The following TSNARE1 variants were observed in gnomAD, a reference collection of about 807,000 sequenced individuals.
The protein encoded by TSNARE1 is t-SNARE domain-containing protein 1.
Under a neutral mutation model 62.0 loss-of-function variants are expected in TSNARE1, and 49 were observed. The ratio of observed to expected loss-of-function variants is 0.79; its 90% CI spans 0.63 to 1.00. The LOEUF (loss-of-function observed/expected upper bound fraction) is 1.00. Among genes scored for constraint, TSNARE1 ranks in the 50% least tolerant of loss-of-function variants. TSNARE1 has a pLI of 0.00. For missense variants in TSNARE1, 755 were observed against 700.1 expected (o/e 1.08, Z -0.88); for synonymous variants, 328 against 294.4 (o/e 1.11, Z -1.17).
chr8:142,218,370 C>T (rs1472081811), intron 13 of TSNARE1, among the ~76,000 whole-genome samples: 8 of 152,104 alleles, frequency 5.3e-5, no homozygotes, highest in South Asian at 2.1e-4. Flanking sequence ...TGAGGCACCA[C>T]GAGGGCCAGA....
intron 12 of TSNARE1, among the ~76,000 whole-genome samples, chr8:142,252,904 T>C (rs1017130186): frequency 6.6e-6 from 1 of 151,850 alleles, no homozygotes; most frequent in Non-Finnish European, 1.5e-5. Flanking sequence ...GTGGGGCAGG[T>C]ATGAGGCTTG....
chr8:142,378,489 C>T (rs561110724), intron 1 of TSNARE1, among the ~76,000 whole-genome samples: 3 of 152,320 alleles, frequency 2.0e-5, no homozygotes, highest in South Asian at 2.1e-4. Flanking sequence ...TAATTATACA[C>T]GCTTGAAGTT....
rs1289289883 is a variant in TSNARE1, at chr8:142,319,185, A to G, written c.894-551T>C. ...GCAACCACCCCCAAATACCCCACAG[A>G]CAGGAGGCTGAGCCACGAGCCCTCC... On this transcript the variant is annotated intron_variant, in intron 6 of 13. Coordinates refer to ENST00000524325, the MANE Select transcript of TSNARE1 (RefSeq NM_145003.5). The surrounding 1 kb of genome is among the most constrained non-coding windows in gnomAD (Gnocchi z 4.9). 1.3e-5 allele frequency among the ~76,000 whole-genome samples: 2 copies of G among 151,808 alleles called. No individual in the cohort carries two copies. The highest frequency in any genetic ancestry group is 2.4e-5 in the African/African-American group (1 of 41,298).
rs562909761 is a variant in TSNARE1, at chr8:142,389,075, T to C, written c.-40+14029A>G. Among the ~76,000 whole-genome samples the C allele has an allele frequency of 4.1e-4, 62 of 152,198 alleles. 2 individuals carry two copies. In the South Asian group the frequency reaches 0.012, roughly 30 times the overall value. On this transcript the variant is annotated intron_variant, in intron 1 of 13. Coordinates refer to ENST00000524325, the MANE Select transcript of TSNARE1 (RefSeq NM_145003.5). Reference sequence around the variant, plus strand: ...AGACAAACAGCCTAACGAAACAGGATAGAGAGCCCAGAAATAAATCCACTC... The same window carrying C: ...AGACAAACAGCCTAACGAAACAGGACAGAGAGCCCAGAAATAAATCCACTC...
At chr8:142,374,679 C>CAAAAAAA (rs1219756682) in intron 1 of TSNARE1, among the ~76,000 whole-genome samples, 1 of 59,380 alleles carries the variant, frequency 1.7e-5, no homozygotes, top group Admixed American at 2.0e-4. Context: ...GACGCTGTCT[C>CAAAAAAA]AAAAAAAAAA....
At chr8:142,397,975 A>G (rs1205609815) in intron 1 of TSNARE1, among the ~76,000 whole-genome samples, 3 of 152,060 alleles carry the variant, frequency 2.0e-5, no homozygotes, top group Non-Finnish European at 4.4e-5. Context: ...TTCCCTGCTC[A>G]GCACCAACAG....
intron 7 of TSNARE1, among the ~76,000 whole-genome samples, chr8:142,317,779 G>A (rs1474296315): frequency 6.6e-6 from 1 of 152,080 alleles, no homozygotes; most frequent in Non-Finnish European, 1.5e-5. Flanking sequence ...GCAACATGGT[G>A]AAACCCCACC....
At chr8:142,314,479 C>A (rs1586744654) in intron 8 of TSNARE1, 39 bp from the exon 9 acceptor site, 1 of 1,587,966 alleles carries the variant, frequency 6.3e-7, no homozygotes, top group Admixed American at 1.7e-5. Context: ...ACAGGAAGAG[C>A]AAAAAGGGTG....
chr8:142,263,140 C>G (rs989487207), intron 12 of TSNARE1, among the ~76,000 whole-genome samples: 3 of 152,160 alleles, frequency 2.0e-5, no homozygotes, highest in Non-Finnish European at 4.4e-5. Flanking sequence ...CGTGAATGTT[C>G]GCTGTTGAGG....
At chr8:142,317,388 C>T (rs1298144273) in intron 7 of TSNARE1, among the ~76,000 whole-genome samples, 1 of 144,130 alleles carries the variant, frequency 6.9e-6, no homozygotes, top group Non-Finnish European at 1.5e-5. Context: ...GCGGCTCACA[C>T]TGTACGCGTG....
chr8:142,283,312 AGTGTCTGCCAATGAGCAGAGGCGGGGC>A lies in TSNARE1; in HGVS notation c.1363+1074_1363+1100del, dbSNP rs1267312896. 2.5e-3 allele frequency among the ~76,000 whole-genome samples: 379 copies of A among 151,770 alleles called. 3 individuals are homozygous for A. Among genetic ancestry groups the A allele is most frequent in the Admixed American group, 4.7e-3 (71 of 15,260 alleles). On this transcript the variant is annotated intron_variant, in intron 11 of 13. Transcript: ENST00000524325. The stretch of plus-strand genomic sequence containing the variant: ...TCTGCCAATGAGCAGAGGCGGGGCC[AGTGTCTGCCAATGAGCAGAGGCGGGGC>A]CAGTGTCTGTCAATGAGCGGAGGTG...
chr8:142,278,268 C>CCATGCCCACATGCCCATGCCCA (rs1820829210), intron 11 of TSNARE1: 1 of 985,332 alleles, frequency 1.0e-6, no homozygotes, highest in Non-Finnish European at 1.2e-6. Context: ...CCCATGGGTC[C>CCATGCCCACATGCCCATGCCCA]CAGCCTCATG....
chr8:142,337,522 G>A (rs1293356643), intron 4 of TSNARE1, among the ~76,000 whole-genome samples: 1 of 152,218 alleles, frequency 6.6e-6, no homozygotes, highest in African/African-American at 2.4e-5. Context: ...CGGCGCAACC[G>A]TGCTTTCTAG....
At chr8:142,234,761 G>T (rs952182112) in intron 12 of TSNARE1, among the ~76,000 whole-genome samples, 5 of 152,070 alleles carry the variant, frequency 3.3e-5, no homozygotes, top group Non-Finnish European at 5.9e-5. Flanking sequence ...AGGGTCCACA[G>T]TGCACCCCAG....
At chr8:142,344,514 T>C (rs201311865) in intron 3 of TSNARE1, 42 bp from the exon 4 acceptor site, 16 of 1,447,506 alleles carry the variant, frequency 1.1e-5, no homozygotes, top group Non-Finnish European at 1.4e-5. Flanking sequence ...GCCCTGGGCC[T>C]GTGGAGGCAG....
At position 142,345,896 on chromosome 8, in the gene TSNARE1, C is replaced by T. The variant is rs201837355; in HGVS notation, c.89-4G>A. ...TCGGTCCAACATCTAGCGCACTCTA[C>T]GGACAGCAAGGGACAGTCACGATTA... On this transcript the variant is annotated splice_region_variant and splice_polypyrimidine_tract_variant and intron_variant, in intron 2 of 13. Transcript: ENST00000524325. 4.8e-5 allele frequency: 78 copies of T among 1,612,446 alleles called. No homozygotes were observed. The highest frequency in any genetic ancestry group is 1.7e-4 in the Middle Eastern group (1 of 6,052).
intron 9 of TSNARE1, among the ~76,000 whole-genome samples, chr8:142,304,568 A>C (rs1046781809): frequency 1.1e-4 from 17 of 152,200 alleles, no homozygotes; most frequent in Non-Finnish European, 2.4e-4. Context: ...CTAAGGTGTG[A>C]GGGCTCAGGA....
Position 142,314,438 on chromosome 8 carries a change from T to C in TSNARE1, c.1077A>G (p.Lys359=), listed in dbSNP as rs1397713409. 2.5e-6 allele frequency: 4 copies of C among 1,613,824 alleles called. No individual in the cohort carries two copies. Among genetic ancestry groups the C allele is most frequent in the Non-Finnish European group, 3.4e-6 (4 of 1,179,896 alleles). The change falls in exon 9 of 14, where the codon AAA becomes AAG. Residue 359 remains lysine (K), a splice_region_variant and synonymous_variant. Transcript: ENST00000524325. ...AIQCYGVVQK[K]IAEKSRALLP... ...GCAGCGCTCTGGACTTTTCTGCAAT[T>C]TTCTGTTGAAAAAAGGACAAGAGAA...
Position 142,232,484 on chromosome 8 carries a change from G to A in TSNARE1, c.1447-2905C>T, listed in dbSNP as rs541670896. On this transcript the variant is annotated intron_variant, in intron 12 of 13. Coordinates refer to ENST00000524325, the MANE Select transcript of TSNARE1 (RefSeq NM_145003.5). ...CCGCTGGGTTCAACAAATGAGGGGA[G>A]GGCGGCCGCAGGGAGGCAAGGAAGC... is the stretch of plus-strand genomic sequence containing the variant. Among the ~76,000 whole-genome samples, 4 of 152,352 alleles carry A rather than the reference G, an allele frequency of 2.6e-5. No individual in the cohort carries two copies. The East Asian group carries it at 7.7e-4, about 29-fold the overall frequency.
Sources: allele counts gnomAD v4.1 joint callset (sites outside exome capture counted in the v4.1 genomes callset), GRCh38; gene constraint gnomAD v4.1.1; non-coding constraint Gnocchi (gnomAD v3.1); transcripts MANE v1.5; gene names NCBI Gene and HGNC (gene_info 2026-07-23, HGNC 2026-07-21).